MAP3K7CL: variants seen among roughly 807,000 people sequenced by gnomAD.
The protein encoded by MAP3K7CL is MAP3K7 C-terminal like.
Under a neutral mutation model 18.6 loss-of-function variants are expected in MAP3K7CL, and 16 were observed. The ratio of observed to expected loss-of-function variants is 0.86; its 90% confidence interval spans 0.58 to 1.31. MAP3K7CL has a LOEUF of 1.31. MAP3K7CL is among the 50% of genes most tolerant of loss of function. The probability of loss-of-function intolerance (pLI) is 0.00; values close to 1 mark genes in which losing one functional copy is unlikely to be tolerated. For synonymous variants in MAP3K7CL, 65 were observed against 66.8 expected, an observed-to-expected ratio of 0.97 and a Z score of 0.13; for missense variants, 163 against 174.4, an observed-to-expected ratio of 0.93 and a Z score of 0.37.
chr21:29,091,532 G>A, exon 2 of MAP3K7CL: 1 of 700,928 alleles, frequency 1.4e-6, no homozygotes, highest in Non-Finnish European at 2.6e-6. Context: ...CTGGAATGCA[G>A]TGGTGGAATC....
chr21:29,099,955 C>T (rs1391266893), intron 4 of MAP3K7CL, among the ~76,000 whole-genome samples: 3 of 151,834 alleles, frequency 2.0e-5, no homozygotes, highest in Admixed American at 6.6e-5. Flanking sequence ...TGGTGGCGGG[C>T]GCCTGTAGTC....
At chr21:29,141,461 C>T (rs572483733) in intron 2 of MAP3K7CL, among the ~76,000 whole-genome samples, 4 of 150,724 alleles carry the variant, frequency 2.7e-5, no homozygotes, top group East Asian at 3.9e-4. Context: ...TGCAGAGAGC[C>T]GAGATTGAGT....
intron 4 of MAP3K7CL, among the ~76,000 whole-genome samples, chr21:29,122,643 C>CGTCTAGTCTA (rs2086614310): frequency 6.6e-6 from 1 of 152,220 alleles, no homozygotes; most frequent in African/African-American, 2.4e-5. Flanking sequence ...TTCTCACCAA[C>CGTCTAGTCTA]GTCTAGCTGC....
upstream of MAP3K7CL, among the ~76,000 whole-genome samples, chr21:29,083,463 T>C (rs1222505579): frequency 1.3e-5 from 2 of 152,234 alleles, no homozygotes; most frequent in Non-Finnish European, 2.9e-5. Context: ...TAGACTGTTA[T>C]CTCTACTCGA....
chr21:29,152,202 GGCGTGAGTGACTAAACA>G (rs1427266648), intron 3 of MAP3K7CL, among the ~76,000 whole-genome samples: 1 of 152,180 alleles, frequency 6.6e-6, no homozygotes, highest in East Asian at 1.9e-4. Context: ...TGTACTCCAG[GGCGTGAGTGACTAAACA>G]GCAAGACGAT....
intron 1 of MAP3K7CL, among the ~76,000 whole-genome samples, chr21:29,087,589 CTTTTTTTTTT>C (rs56775764): frequency 9.6e-6 from 1 of 104,354 alleles, no homozygotes; most frequent in Non-Finnish European, 1.8e-5. Context: ...TTTTCTTTTT[CTTTTTTTTTT>C]TTTTTTTTTT....
chr21:29,142,225 C>T (rs60511655), intron 2 of MAP3K7CL, among the ~76,000 whole-genome samples: 15,303 of 151,984 alleles, frequency 0.1, 1,706 homozygotes, highest in African/African-American at 0.27. Context: ...CCACCATGCC[C>T]GGCTAATTGT....
chr21:29,130,829 G>A lies in MAP3K7CL; in HGVS notation c.-134G>A. On this transcript the variant is annotated 5_prime_UTR_variant, in exon 1 of 5. Coordinates refer to ENST00000399928, the MANE Select transcript of MAP3K7CL (RefSeq NM_001286620.2). ...GGCTGCTATGCAGCAGGTGCAGCCT[G>A]GTCTCTCACTGAGTCTCTACTCCAC... is the stretch of plus-strand genomic sequence containing the variant. 3 of 985,544 alleles carry A rather than the reference G, an allele frequency of 3.0e-6. No individual in the cohort carries two copies. The highest frequency in any genetic ancestry group is 3.6e-6 in the Non-Finnish European group (3 of 830,040). The allele number at this position is 985,544 out of a possible 1,614,324, so 61.0% of individuals were successfully genotyped here. A position where few individuals can be genotyped will look rare whatever the true frequency, so the allele number is the denominator to read the frequency against.
intron 4 of MAP3K7CL, among the ~76,000 whole-genome samples, chr21:29,099,548 A>G (rs889560082): frequency 6.6e-6 from 1 of 152,172 alleles, no homozygotes; most frequent in Non-Finnish European, 1.5e-5. Context: ...CATGGTTGTT[A>G]TTACGCCCTT....
intron 4 of MAP3K7CL, among the ~76,000 whole-genome samples, chr21:29,160,642 C>A (rs1458370464): frequency 1.3e-5 from 2 of 152,172 alleles, no homozygotes; most frequent in Non-Finnish European, 2.9e-5. Flanking sequence ...CAGTGCCTAC[C>A]CCAGTGAATC....
chr21:29,147,656 A>G (rs1222958977), intron 2 of MAP3K7CL, among the ~76,000 whole-genome samples: 1 of 151,128 alleles, frequency 6.6e-6, no homozygotes, highest in African/African-American at 2.4e-5. Context: ...TGTGTACTGT[A>G]TATGTATCTG....
intron 1 of MAP3K7CL, among the ~76,000 whole-genome samples, chr21:29,080,221 A>G (rs1333899729): frequency 6.6e-6 from 1 of 152,228 alleles, no homozygotes; most frequent in Non-Finnish European, 1.5e-5. Flanking sequence ...ACTGGCACAC[A>G]TGGGGTCTTC....
At chr21:29,111,433 A>G (rs1283509500) in intron 4 of MAP3K7CL, among the ~76,000 whole-genome samples, 1 of 152,012 alleles carries the variant, frequency 6.6e-6, no homozygotes, top group Non-Finnish European at 1.5e-5. Flanking sequence ...TGGATTGGTG[A>G]GGAGCTCTAT....
In MAP3K7CL at chr21:29,092,200, CGAGGCTGAGT is replaced by C. The variant is rs2086040637; in HGVS notation, c.228-237_228-228del. ...TTTATAAGAAAAATCTGAGGCAGAG[CGAGGCTGAGT>C]GGTTTCTCTGTTGAACATCCAGGAC... is the stretch of plus-strand genomic sequence containing the variant. On this transcript the variant is annotated intron_variant, in intron 3 of 6. Coordinates refer to the MAP3K7CL transcript ENST00000286791. The C allele has an allele frequency of 2.3e-5, 11 of 482,840 alleles. No individual in the cohort carries two copies. In the South Asian group the frequency reaches 4.0e-4, roughly 17 times the overall value. 29.9% of individuals were successfully genotyped at this position (482,840 alleles called of 1,614,324 possible). A position where few individuals can be genotyped will look rare whatever the true frequency, so the allele number is the denominator to read the frequency against.
chr21:29,085,954 T>G, intron 1 of MAP3K7CL: 1 of 1,610,056 alleles, frequency 6.2e-7, no homozygotes, highest in Non-Finnish European at 8.5e-7. Flanking sequence ...CCTGTAAAAC[T>G]GTCGACTATA....
At chr21:29,090,436 A>C (rs944788788) in intron 1 of MAP3K7CL, among the ~76,000 whole-genome samples, 1 of 151,838 alleles carries the variant, frequency 6.6e-6, no homozygotes, top group Non-Finnish European at 1.5e-5. Flanking sequence ...GCTGGAGTGC[A>C]GTGGTGCAAT....
chr21:29,107,688 A>C (rs969745621), intron 4 of MAP3K7CL, among the ~76,000 whole-genome samples: 4 of 152,334 alleles, frequency 2.6e-5, no homozygotes, highest in Admixed American at 6.5e-5. Flanking sequence ...GTTATGAAAA[A>C]AATAGGGACA....
chr21:29,094,193 T>G (rs2086080327), intron 4 of MAP3K7CL, among the ~76,000 whole-genome samples: 1 of 152,208 alleles, frequency 6.6e-6, no homozygotes, highest in Non-Finnish European at 1.5e-5. Context: ...AAGAATCTAG[T>G]AGCTAGAGGC....
At chr21:29,143,179 A>G (rs2087046018) in intron 2 of MAP3K7CL, among the ~76,000 whole-genome samples, 1 of 137,080 alleles carries the variant, frequency 7.3e-6, no homozygotes. Flanking sequence ...ATTTTTAAGA[A>G]ATTCAAGACA....
Sources: allele counts gnomAD v4.1 joint callset (sites outside exome capture counted in the v4.1 genomes callset), GRCh38; gene constraint gnomAD v4.1.1; transcripts MANE v1.5; gene names NCBI Gene and HGNC (gene_info 2026-07-23, HGNC 2026-07-21).